CSDC2: variants seen among roughly 807,000 people sequenced by gnomAD.
The protein encoded by CSDC2 is cold shock domain containing C2.
CSDC2 carries 8 observed loss-of-function variants against 15.8 expected under a neutral mutation model. The observed-to-expected ratio is 0.51, with a 90% CI of 0.30 to 0.92. The LOEUF is 0.92. Among genes scored for constraint, CSDC2 ranks in the 40% least tolerant of loss-of-function variants. CSDC2 has a pLI of 0.07. For synonymous variants in CSDC2, 96 were observed against 92.3 expected (o/e 1.04, Z -0.23); for missense variants, 195 against 213.3 (o/e 0.91, Z 0.53).
At chr22:41,573,613 G>A in intron 2 of CSDC2, 42 bp from the exon 3 acceptor site, 1 of 1,580,768 alleles carries the variant, frequency 6.3e-7, no homozygotes, top group Non-Finnish European at 8.6e-7. Flanking sequence ...CCGGGGAGGA[G>A]TTCCTCAGGC....
At position 41,570,213 on chromosome 22, in the gene CSDC2, A is replaced by G. The variant is rs116644191; in HGVS notation, c.-123-1630A>G. ...AGAAAAGCCCCACTTCAGCCTTTTC[A>G]GGGTTGAGGGTCTGTGAGGCAAGCC... On this transcript the variant is annotated intron_variant, in intron 1 of 3. Coordinates refer to ENST00000306149, the MANE Select transcript of CSDC2 (RefSeq NM_014460.4). 6.6e-3 allele frequency among the ~76,000 whole-genome samples: 1,008 copies of G among 152,288 alleles called. 14 individuals are homozygous for G. Among genetic ancestry groups the G allele is most frequent in the African/African-American group, 0.024 (992 of 41,562 alleles).
At position 41,566,851 on chromosome 22, in the gene CSDC2, C is replaced by T. The variant is rs964433121; in HGVS notation, c.-123-4992C>T. On this transcript the variant is annotated intron_variant, in intron 1 of 3. Coordinates refer to ENST00000306149, the MANE Select transcript of CSDC2 (RefSeq NM_014460.4). ...CTGAGGCAGGAGAAAGGCGTGAACC[C>T]GGGAGGCGGAGCTTGCAGTGAGCCA... Among the ~76,000 whole-genome samples, 11 of 145,176 alleles carry T rather than the reference C, an allele frequency of 7.6e-5. No homozygotes were observed. The East Asian group carries it at 1.3e-3, about 17-fold the overall frequency.
intron 1 of CSDC2, among the ~76,000 whole-genome samples, chr22:41,566,467 A>AC (rs1198794244): frequency 2.2e-5 from 3 of 134,362 alleles, no homozygotes; most frequent in African/African-American, 8.8e-5. Context: ...AAAAAAAAAA[A>AC]CACACAAAAA....
chr22:41,574,899 G>T lies in CSDC2; in HGVS notation c.*4G>T. On this transcript the variant is annotated 3_prime_UTR_variant, in exon 4 of 4. Coordinates refer to ENST00000306149, the MANE Select transcript of CSDC2 (RefSeq NM_014460.4). ...TGGCCAGGTCGTGGGCTCCTAGGCT[G>T]AGTGGTTCACAGGCCAGCTGGCCGG... 6.3e-7 allele frequency: 1 copy of T among 1,583,656 alleles called. No homozygotes were observed. Among genetic ancestry groups the T allele is most frequent in the East Asian group, 2.3e-5 (1 of 43,122 alleles).
At chr22:41,566,914 G>A (rs191674985) in intron 1 of CSDC2, among the ~76,000 whole-genome samples, 3 of 147,088 alleles carry the variant, frequency 2.0e-5, no homozygotes, top group East Asian at 2.0e-4. Flanking sequence ...GCGACAGAGC[G>A]ATCCTCCGTC....
At chr22:41,564,636 G>A (rs779163144) in intron 1 of CSDC2, among the ~76,000 whole-genome samples, 1 of 152,166 alleles carries the variant, frequency 6.6e-6, no homozygotes, top group Non-Finnish European at 1.5e-5. Flanking sequence ...GTTGCCCCAC[G>A]TTTGTTGTTC....
At chr22:41,570,233 C>CA (rs1212432778) in intron 1 of CSDC2, among the ~76,000 whole-genome samples, 1 of 152,170 alleles carries the variant, frequency 6.6e-6, no homozygotes, top group African/African-American at 2.4e-5. Context: ...GTCTGTGAGG[C>CA]AAGCCAAGCC....
intron 1 of CSDC2, among the ~76,000 whole-genome samples, chr22:41,566,270 C>T (rs1392296406): frequency 1.3e-5 from 2 of 151,536 alleles, no homozygotes; most frequent in Non-Finnish European, 2.9e-5. Context: ...ATGGTGAAAC[C>T]TTGTCTGTAC....
At chr22:41,564,489 T>C (rs1275586833) in intron 1 of CSDC2, among the ~76,000 whole-genome samples, 5 of 152,042 alleles carry the variant, frequency 3.3e-5, no homozygotes, top group East Asian at 1.9e-4. Flanking sequence ...CTCAATCTCC[T>C]GACCTCGTGA....
intron 1 of CSDC2, among the ~76,000 whole-genome samples, chr22:41,563,988 C>A (rs1342996750): frequency 5.3e-5 from 8 of 149,746 alleles, no homozygotes; most frequent in Non-Finnish European, 1.0e-4. Context: ...GGAGGCTGAG[C>A]CAGGAGAATG....
intron 2 of CSDC2, 93 bp downstream of exon 2, chr22:41,572,234 G>C (rs1458779051): frequency 4.5e-6 from 5 of 1,112,158 alleles, no homozygotes; most frequent in Non-Finnish European, 5.8e-6. Context: ...TCCTCACCTG[G>C]GACAGGGGAA....
At chr22:41,569,741 T>C (rs920190920) in intron 1 of CSDC2, among the ~76,000 whole-genome samples, 4 of 151,814 alleles carry the variant, frequency 2.6e-5, no homozygotes, top group Admixed American at 1.3e-4. Flanking sequence ...GGTGTGACCA[T>C]TCATGAACAT....
At chr22:41,574,586 C>A (rs558510907) in intron 3 of CSDC2, 147 bp from the exon 4 acceptor site, 15 of 889,126 alleles carry the variant, frequency 1.7e-5, no homozygotes, top group Admixed American at 2.9e-5. Flanking sequence ...TTTACAGATT[C>A]GAGAGCTGAG....
In CSDC2 at chr22:41,569,968, C is replaced by T. The variant is rs944101298; in HGVS notation, c.-123-1875C>T. Among the ~76,000 whole-genome samples, 9 of 151,888 alleles carry T rather than the reference C, an allele frequency of 5.9e-5. No homozygotes were observed. The East Asian group carries it at 1.2e-3, about 20-fold the overall frequency. On this transcript the variant is annotated intron_variant, in intron 1 of 3. Coordinates refer to ENST00000306149, the MANE Select transcript of CSDC2 (RefSeq NM_014460.4). ...TTAATTTTTGTATTTTTAGGAGAGA[C>T]GGGGTTTCACCATGTTGGCCAGGCT...
chr22:41,564,321 G>A (rs934059934), intron 1 of CSDC2, among the ~76,000 whole-genome samples: 8 of 151,364 alleles, frequency 5.3e-5, no homozygotes, highest in Non-Finnish European at 1.0e-4. Context: ...GTGCAGTGGC[G>A]CGATCTCGGC....
chr22:41,569,233 A>T (rs6002406), intron 1 of CSDC2, among the ~76,000 whole-genome samples: 26,175 of 152,310 alleles, frequency 0.17, 3,241 homozygotes, highest in Admixed American at 0.36. Flanking sequence ...CATCTTGGGT[A>T]ACTTTGCTGC....
At chr22:41,572,422 A>ACCTG (rs2067151955) in intron 2 of CSDC2, among the ~76,000 whole-genome samples, 2 of 136,258 alleles carry the variant, frequency 1.5e-5, no homozygotes, top group African/African-American at 2.7e-5. Context: ...CCATCCATCC[A>ACCTG]TCCATCCATC....
At chr22:41,566,790 G>A (rs1334299841) in intron 1 of CSDC2, among the ~76,000 whole-genome samples, 2 of 151,682 alleles carry the variant, frequency 1.3e-5, no homozygotes, top group African/African-American at 2.4e-5. Context: ...AGCCGTGCGT[G>A]GTGGCAGGCG....
At chr22:41,565,095 G>A (rs2067106882) in intron 1 of CSDC2, among the ~76,000 whole-genome samples, 1 of 151,942 alleles carries the variant, frequency 6.6e-6, no homozygotes, top group Admixed American at 6.6e-5. Flanking sequence ...GAACCCGGGA[G>A]GCAGAGGTTT....
Sources: gnomAD v4.1 joint callset for allele counts (sites outside exome capture counted in the v4.1 genomes callset) on GRCh38, gnomAD v4.1.1 for gene constraint, MANE v1.5 for transcripts, NCBI Gene and HGNC (gene_info 2026-07-23, HGNC 2026-07-21) for gene names.